The following PKIB variants were observed in gnomAD, a reference collection of about 807,000 sequenced individuals.
PKIB encodes cAMP-dependent protein kinase inhibitor beta.
Under a neutral mutation model 4.5 loss-of-function variants are expected in PKIB, and 2 were observed. The ratio of observed to expected loss-of-function variants is 0.44; its 90% confidence interval spans 0.18 to 1.39. The LOEUF is 1.39. PKIB is among the 40% of genes most tolerant of loss of function. PKIB has a pLI of 0.27. For missense variants in PKIB, 94 were observed against 92.6 expected, an observed-to-expected ratio of 1.02 and a Z score of -0.06; for synonymous variants, 38 against 36.0, an observed-to-expected ratio of 1.06 and a Z score of -0.20.
At chr6:122,700,895 C>G (rs1302253595) in intron 3 of PKIB, among the ~76,000 whole-genome samples, 2 of 152,180 alleles carry the variant, frequency 1.3e-5, no homozygotes, top group African/African-American at 4.8e-5. Flanking sequence ...AGTCATTAGT[C>G]TATGGCTTGG....
At chr6:122,659,355 C>T (rs984043893) in intron 2 of PKIB, among the ~76,000 whole-genome samples, 1 of 152,172 alleles carries the variant, frequency 6.6e-6, no homozygotes, top group Non-Finnish European at 1.5e-5. Context: ...CCTTACTGTG[C>T]TGTTTCCCTC....
intron 3 of PKIB, among the ~76,000 whole-genome samples, chr6:122,683,114 A>C (rs1268350587): frequency 6.6e-6 from 1 of 152,202 alleles, no homozygotes; most frequent in African/African-American, 2.4e-5. Flanking sequence ...AAATCAGTAC[A>C]CATTATGATT....
At chr6:122,577,453 T>A (rs1773576760) in intron 2 of PKIB, among the ~76,000 whole-genome samples, 1 of 152,068 alleles carries the variant, frequency 6.6e-6, no homozygotes. Context: ...ACATTTGTGA[T>A]AAAGACACAA....
At chr6:122,541,694 G>A (rs1294139363) in intron 2 of PKIB, among the ~76,000 whole-genome samples, 1 of 151,702 alleles carries the variant, frequency 6.6e-6, no homozygotes, top group Non-Finnish European at 1.5e-5. Flanking sequence ...TATCTTTGTG[G>A]CGTTCTCTGT....
chr6:122,669,199 T>C (rs555584679), intron 2 of PKIB, among the ~76,000 whole-genome samples: 2 of 152,228 alleles, frequency 1.3e-5, no homozygotes, highest in Non-Finnish European at 2.9e-5. Context: ...GTCATAGGTA[T>C]CTGTTGGGTG....
At chr6:122,704,660 T>C (rs1412048568) in intron 3 of PKIB, among the ~76,000 whole-genome samples, 1 of 152,164 alleles carries the variant, frequency 6.6e-6, no homozygotes. Flanking sequence ...TACTTAGATA[T>C]ATGCTAAGGT....
At chr6:122,707,099 T>A (rs1039978005) in intron 3 of PKIB, among the ~76,000 whole-genome samples, 1 of 152,144 alleles carries the variant, frequency 6.6e-6, no homozygotes, top group East Asian at 1.9e-4. Flanking sequence ...GCTACTTCTA[T>A]TAACTTAATT....
chr6:122,520,018 C>G (rs1276295984), intron 2 of PKIB, among the ~76,000 whole-genome samples: 1 of 152,116 alleles, frequency 6.6e-6, no homozygotes, highest in African/African-American at 2.4e-5. Context: ...TTCATTATTG[C>G]CAAATAATCT....
intron 2 of PKIB, among the ~76,000 whole-genome samples, chr6:122,563,568 G>C (rs1773095643): frequency 6.6e-6 from 1 of 152,080 alleles, no homozygotes; most frequent in Non-Finnish European, 1.5e-5. Flanking sequence ...GGAGGGTAGG[G>C]AAGGAACATC....
chr6:122,581,609 GT>G (rs1773706484), intron 2 of PKIB, among the ~76,000 whole-genome samples: 1 of 152,040 alleles, frequency 6.6e-6, no homozygotes, highest in African/African-American at 2.4e-5. Context: ...AAGATTAAAG[GT>G]TTAAAATTAA....
intron 2 of PKIB, among the ~76,000 whole-genome samples, chr6:122,491,851 C>G (rs966634737): frequency 6.6e-6 from 1 of 152,132 alleles, no homozygotes; most frequent in Non-Finnish European, 1.5e-5. Context: ...TAAGGTTAAT[C>G]TAGAAAGATT....
intron 2 of PKIB, among the ~76,000 whole-genome samples, chr6:122,583,250 C>A (rs1239933674): frequency 1.3e-5 from 2 of 151,922 alleles, no homozygotes; most frequent in East Asian, 3.9e-4. Context: ...TATTTCTAGC[C>A]TTAAACAGAA....
chr6:122,591,166 T>TCC (rs34828543), intron 3 of PKIB, among the ~76,000 whole-genome samples: 28,433 of 146,214 alleles, frequency 0.19, 3,276 homozygotes, highest in Non-Finnish European at 0.27. Context: ...GCAAGGAAGG[T>TCC]CCCCCCCCAC....
chr6:122,543,758 G>C lies in PKIB; in HGVS notation c.-247-42163G>C, dbSNP rs75652122. On this transcript the variant is annotated intron_variant, in intron 2 of 6. Transcript: ENST00000392491. ...TGCTAAGGATACCAGAGCAGAAAGA[G>C]AGAAAGTGCTGTCGATCTGCTGTAT... 6.1e-4 allele frequency among the ~76,000 whole-genome samples: 93 copies of C among 152,078 alleles called. No homozygotes were observed. The East Asian group carries it at 7.2e-3, about 12-fold the overall frequency.
intron 3 of PKIB, among the ~76,000 whole-genome samples, chr6:122,688,513 T>C (rs939352386): frequency 6.6e-6 from 1 of 152,124 alleles, no homozygotes; most frequent in African/African-American, 2.4e-5. Flanking sequence ...TTTGGAATAC[T>C]TTGAGTAGGA....
intron 1 of PKIB, among the ~76,000 whole-genome samples, chr6:122,473,230 A>C (rs1775357801): frequency 1.3e-5 from 2 of 152,246 alleles, no homozygotes; most frequent in Non-Finnish European, 2.9e-5. Context: ...TAAACTTTTC[A>C]AAGTACCAGA....
At chr6:122,538,788 A>G (rs1051643665) in intron 2 of PKIB, among the ~76,000 whole-genome samples, 2 of 152,062 alleles carry the variant, frequency 1.3e-5, no homozygotes, top group Non-Finnish European at 2.9e-5. Context: ...CATTTTCACA[A>G]TATTGATTCT....
intron 2 of PKIB, among the ~76,000 whole-genome samples, chr6:122,509,159 C>T (rs1205381571): frequency 6.6e-6 from 1 of 152,072 alleles, no homozygotes; most frequent in Non-Finnish European, 1.5e-5. Context: ...TTTTTCAGTA[C>T]TAGAGCCATT....
intron 3 of PKIB, among the ~76,000 whole-genome samples, chr6:122,678,098 C>T (rs932831507): frequency 1.3e-5 from 2 of 152,038 alleles, no homozygotes; most frequent in Non-Finnish European, 1.5e-5. Context: ...CGGGGTTTCA[C>T]CGTGTTAGCC....
Sources: gnomAD v4.1 joint callset for allele counts (sites outside exome capture counted in the v4.1 genomes callset) on GRCh38, gnomAD v4.1.1 for gene constraint, MANE v1.5 for transcripts, NCBI Gene and HGNC (gene_info 2026-07-23, HGNC 2026-07-21) for gene names.